Variants in AGBL1 observed in about 807,000 individuals in gnomAD.
The protein encoded by AGBL1 is AGBL carboxypeptidase 1, also known as cytosolic carboxypeptidase 4.
A neutral mutation model predicts 118.9 loss-of-function variants in AGBL1; 130 were observed. That is an observed-to-expected ratio of 1.09 (90% CI 0.95 to 1.26). The LOEUF is 1.26. Among genes scored for constraint, AGBL1 ranks in the 50% most tolerant of loss-of-function variants. The pLI, the probability that AGBL1 is intolerant of heterozygous loss-of-function variation, is 0.00. For missense variants in AGBL1, 1,584 were observed against 1,298.1 expected (o/e 1.22, Z -3.38); for synonymous variants, 555 against 478.9 (o/e 1.16, Z -2.08).
chr15:86,271,823 T>C, intron 15 of AGBL1, 117 bp downstream of exon 15: 2 of 976,006 alleles, frequency 2.0e-6, no homozygotes, highest in East Asian at 2.5e-5. Context: ...CTAAACTTTT[T>C]GTCACTCTGT....
rs974691871 is a variant in AGBL1, at chr15:86,847,535, G to GT, written c.3159-59548dup. 4.5e-4 allele frequency among the ~76,000 whole-genome samples: 68 copies of GT among 152,056 alleles called. 1 individual carries two copies. The highest frequency in any genetic ancestry group is 1.6e-3 in the African/African-American group (66 of 41,406). On this transcript the variant is annotated intron_variant, in intron 22 of 22. Coordinates refer to ENST00000614907, the MANE Select transcript of AGBL1 (RefSeq NM_001386094.1). ...TCAAGTTTTGAAAATTTTTGTTTTT[G>GT]TTTTATTCATGGATTTTTAAAGGCC... is the stretch of plus-strand genomic sequence containing the variant.
intron 22 of AGBL1, among the ~76,000 whole-genome samples, chr15:86,883,719 C>T (rs2079928944): frequency 6.6e-6 from 1 of 152,234 alleles, no homozygotes; most frequent in Non-Finnish European, 1.5e-5. Context: ...GGTTGCTTTT[C>T]TTTCCTTCTT....
chr15:86,083,254 T>A (rs1895410891), intron 1 of AGBL1: 2 of 152,172 alleles, frequency 1.3e-5, no homozygotes, highest in Admixed American at 1.3e-4. Context: ...TTTGAGCTAA[T>A]GGAGAAGATG....
intron 5 of AGBL1, among the ~76,000 whole-genome samples, chr15:86,215,898 G>T (rs1325842962): frequency 3.3e-5 from 5 of 152,148 alleles, no homozygotes; most frequent in African/African-American, 7.2e-5. Context: ...TGATACTTGT[G>T]TGATTTCTAT....
intron 21 of AGBL1, among the ~76,000 whole-genome samples, chr15:86,635,300 CCCTCCTCCTCCTCCTCCTCCT>C (rs567443527): frequency 2.2e-5 from 1 of 46,418 alleles, no homozygotes; most frequent in Admixed American, 2.5e-4. Flanking sequence ...CCTCCCCCTC[CCCTCCTCCTCCTCCTCCTCCT>C]CCTCCTCCTC....
intron 18 of AGBL1, among the ~76,000 whole-genome samples, chr15:86,478,466 T>A (rs1454729874): frequency 6.6e-6 from 1 of 152,066 alleles, no homozygotes; most frequent in African/African-American, 2.4e-5. Context: ...AAATCATGAG[T>A]GAACTGCCAT....
intron 24 of AGBL1, among the ~76,000 whole-genome samples, chr15:87,027,105 A>G (rs944668952): frequency 3.3e-5 from 5 of 152,016 alleles, no homozygotes; most frequent in African/African-American, 1.2e-4. Flanking sequence ...CATGTCACCA[A>G]ACACCACCTG....
intron 22 of AGBL1, among the ~76,000 whole-genome samples, chr15:86,888,894 T>C (rs1304448568): frequency 6.6e-6 from 1 of 152,184 alleles, no homozygotes; most frequent in Non-Finnish European, 1.5e-5. Context: ...CTGAATGGCA[T>C]GCTACATTCA....
At chr15:86,941,636 A>G (rs1423067536) in intron 23 of AGBL1, among the ~76,000 whole-genome samples, 2 of 152,216 alleles carry the variant, frequency 1.3e-5, no homozygotes, top group Admixed American at 1.3e-4. Flanking sequence ...CTTGCTGGAA[A>G]TAGGCCCTTT....
chr15:86,161,399 A>G (rs987757954), intron 5 of AGBL1, among the ~76,000 whole-genome samples: 3 of 152,130 alleles, frequency 2.0e-5, no homozygotes, highest in Non-Finnish European at 4.4e-5. Flanking sequence ...ATTGCCCCCA[A>G]TTTTACCGGA....
intron 18 of AGBL1, among the ~76,000 whole-genome samples, chr15:86,403,010 C>T (rs371900543): frequency 6.6e-6 from 1 of 152,098 alleles, no homozygotes; most frequent in African/African-American, 2.4e-5. Flanking sequence ...TAAAAATCTT[C>T]CCAAGGTGGG....
chr15:86,667,238 G>GTATCTATCTATC (rs1317883898), intron 21 of AGBL1, among the ~76,000 whole-genome samples: 73 of 100,964 alleles, frequency 7.2e-4, no homozygotes, highest in African/African-American at 2.1e-3. Context: ...ATGTATGTAT[G>GTATCTATCTATC]TATGTATGTA....
At chr15:86,163,601 T>A (rs912314146) in intron 5 of AGBL1, among the ~76,000 whole-genome samples, 1 of 151,620 alleles carries the variant, frequency 6.6e-6, no homozygotes, top group Non-Finnish European at 1.5e-5. Context: ...GGTGGTGGAT[T>A]CCTGTAATCC....
At chr15:86,567,335 T>C (rs188997506) in intron 21 of AGBL1, among the ~76,000 whole-genome samples, 2 of 152,192 alleles carry the variant, frequency 1.3e-5, no homozygotes, top group African/African-American at 4.8e-5. Flanking sequence ...ATATGTATCA[T>C]TTAGACATTT....
rs143753180 is a variant in AGBL1, at chr15:86,398,283, G to C, written c.2555+737G>C. 1.9e-3 allele frequency among the ~76,000 whole-genome samples: 295 copies of C among 152,248 alleles called. 2 individuals are homozygous for C. The highest frequency in any genetic ancestry group is 3.4e-3 in the Non-Finnish European group (231 of 68,010). The stretch of plus-strand genomic sequence containing the variant: ...AGCTGAGGCCCAGACATCAGATGAG[G>C]CACCCAAAGTCACACAGGTGGTGCA... On this transcript the variant is annotated intron_variant, in intron 18 of 22. Transcript: ENST00000614907.
At chr15:86,820,150 A>C (rs539494731) in intron 22 of AGBL1, among the ~76,000 whole-genome samples, 16 of 152,364 alleles carry the variant, frequency 1.1e-4, no homozygotes, top group African/African-American at 3.8e-4. Flanking sequence ...CTCAAGATGG[A>C]TATAAGACTT....
chr15:86,456,233 G>A (rs999403329), intron 18 of AGBL1, among the ~76,000 whole-genome samples: 3 of 152,142 alleles, frequency 2.0e-5, no homozygotes, highest in South Asian at 2.1e-4. Flanking sequence ...GCATTAATAA[G>A]TCACATCACA....
chr15:86,519,281 G>A (rs1291631975), intron 18 of AGBL1, among the ~76,000 whole-genome samples: 1 of 152,092 alleles, frequency 6.6e-6, no homozygotes, highest in Non-Finnish European at 1.5e-5. Flanking sequence ...AAAGAAAGCA[G>A]AACTTCAAAC....
rs967521243 is a variant in AGBL1, at chr15:86,664,585, C to T, written c.2995-9688C>T. ...TGGATGTCTCATTGCTATTTCTTCA[C>T]TAGACCTTTTTGCTGGGGGTTTACC... On this transcript the variant is annotated intron_variant, in intron 21 of 22. Coordinates refer to ENST00000614907, the MANE Select transcript of AGBL1 (RefSeq NM_001386094.1). Among the ~76,000 whole-genome samples the T allele has an allele frequency of 2.6e-5, 4 of 152,204 alleles. No homozygotes were observed. The South Asian group carries it at 8.3e-4, about 32-fold the overall frequency.
Sources: gnomAD v4.1 joint callset for allele counts (sites outside exome capture counted in the v4.1 genomes callset) on GRCh38, gnomAD v4.1.1 for gene constraint, MANE v1.5 for transcripts, NCBI Gene and HGNC (gene_info 2026-07-23, HGNC 2026-07-21) for gene names.